The following MAFG variants were observed in gnomAD, a reference collection of about 807,000 sequenced individuals.
The protein encoded by MAFG is transcription factor MafG.
MAFG carries 3 observed loss-of-function variants against 12.2 expected under a neutral mutation model. The ratio of observed to expected loss-of-function variants is 0.25; its 90% CI spans 0.11 to 0.64. MAFG has a LOEUF of 0.64. Among genes scored for constraint, MAFG ranks in the 30% least tolerant of loss-of-function variants. The probability of loss-of-function intolerance (pLI) is 0.85; values close to 1 mark genes in which losing one functional copy is unlikely to be tolerated. For synonymous variants in MAFG, 126 were observed against 109.1 expected (o/e 1.15, Z -0.96); for missense variants, 153 against 235.5 (o/e 0.65, Z 2.29).
upstream of MAFG, chr17:81,928,076 C>T (rs1412334519): frequency 2.0e-5 from 3 of 152,212 alleles, no homozygotes; most frequent in Admixed American, 6.5e-5. This position sits in a 1 kb window ranked among gnomAD's most constrained non-coding sequence, Gnocchi z 8.1. Flanking sequence ...GCGTGCGCCC[C>T]CTCGAGTGCC....
In MAFG at chr17:81,920,299, T is replaced by G. The variant is rs1200425710; in HGVS notation, c.*2306A>C. 1.3e-5 allele frequency: 2 copies of G among 152,352 alleles called. No homozygotes were observed. The highest frequency in any genetic ancestry group is 4.1e-4 in the South Asian group (2 of 4,828). 9.4% of individuals were successfully genotyped at this position (152,352 alleles called of 1,614,324 possible). On this transcript the variant is annotated 3_prime_UTR_variant, in exon 3 of 3. Coordinates refer to ENST00000357736, the MANE Select transcript of MAFG (RefSeq NM_002359.4). The stretch of plus-strand genomic sequence containing the variant: ...AACACCTCGAGCAAAGAAAAGCTCA[T>G]TAACATGACAAGTGTTGATGGTGCC...
chr17:81,924,986 C>G lies in MAFG; in HGVS notation c.-29-1772G>C, dbSNP rs2040927342. Among the ~76,000 whole-genome samples the G allele has an allele frequency of 6.6e-6, 1 of 152,240 alleles. No homozygotes were observed. ...CTCCGCAGAAGGCCTGAACTCAGCACAAGTGCAAGCCATCGCCTCCTATCA... is the reference window on the plus strand; with the variant it reads ...CTCCGCAGAAGGCCTGAACTCAGCAGAAGTGCAAGCCATCGCCTCCTATCA... On this transcript the variant is annotated intron_variant, in intron 1 of 2. Transcript: ENST00000357736. This position sits in a 1 kb window ranked among gnomAD's most constrained non-coding sequence, Gnocchi z 4.7.
In MAFG at chr17:81,923,217, G is replaced by A; in HGVS notation, c.-29-3C>T. 1.3e-6 allele frequency: 2 copies of A among 1,544,526 alleles called. No homozygotes were observed. The highest frequency in any genetic ancestry group is 2.4e-5 in the East Asian group (1 of 42,280). On this transcript the variant is annotated splice_polypyrimidine_tract_variant and splice_region_variant and intron_variant, in intron 1 of 2. Coordinates refer to ENST00000357736, the MANE Select transcript of MAFG (RefSeq NM_002359.4). ...GGGGCACAGCGAGCAGGCGCTCTCT[G>A]CAAGACACGGAGCAGGTCAGTACCC...
In MAFG at chr17:81,918,292, C is replaced by T; in HGVS notation, c.*4313G>A. ...CAGTCTCTTTAAAAGGTTTATTGAT[C>T]ATATACAAAATAAAGAAAACCTTAT... On this transcript the variant is annotated 3_prime_UTR_variant, in exon 3 of 3. Coordinates refer to ENST00000357736, the MANE Select transcript of MAFG (RefSeq NM_002359.4). 1.8e-6 allele frequency: 1 copy of T among 560,578 alleles called. No individual in the cohort carries two copies. 34.7% of individuals were successfully genotyped at this position (560,578 alleles called of 1,614,324 possible).
At position 81,921,505 on chromosome 17, in the gene MAFG, T is replaced by C. The variant is rs1245357850; in HGVS notation, c.*1100A>G. The C allele has an allele frequency of 2.0e-5, 3 of 151,214 alleles. No homozygotes were observed. The highest frequency in any genetic ancestry group is 4.4e-5 in the Non-Finnish European group (3 of 67,958). 9.4% of individuals were successfully genotyped at this position (151,214 alleles called of 1,614,324 possible). On this transcript the variant is annotated 3_prime_UTR_variant, in exon 3 of 3. Transcript: ENST00000357736. ...GGGCAGAGGAGTAAGTCACTTTCGG[T>C]ACAATTGCAAAAGATATCAAAGAGG... is the stretch of plus-strand genomic sequence containing the variant.
chr17:81,925,057 G>C (rs113335682), intron 1 of MAFG, among the ~76,000 whole-genome samples: 3 of 152,356 alleles, frequency 2.0e-5, no homozygotes, highest in African/African-American at 7.2e-5. Flanking sequence ...AGCACAGCCA[G>C]TGCGTTCCAG....
chr17:81,929,033 C>T (rs1014849800), upstream of MAFG, among the ~76,000 whole-genome samples: 4 of 152,202 alleles, frequency 2.6e-5, no homozygotes, highest in African/African-American at 4.8e-5. The surrounding 1 kb of genome is among the most constrained non-coding windows in gnomAD (Gnocchi z 5.7). Flanking sequence ...GCCACGGTGC[C>T]GTCAGGAGCC....
At chr17:81,923,124 A>G (rs2143816837) in intron 2 of MAFG, 26 bp downstream of exon 2, 1 of 1,611,768 alleles carries the variant, frequency 6.2e-7, no homozygotes, top group African/African-American at 1.3e-5. Flanking sequence ...ACCCCAGCCC[A>G]CAGGCTCCTG....
chr17:81,920,052 G>T lies in MAFG; in HGVS notation c.*2553C>A, dbSNP rs1309661276. Reference sequence around the variant, plus strand: ...ATGGCCACCCACAGCCAGGACAAAAGTGGGGGCTGCACAAGGACAAGGAGG... The same window carrying T: ...ATGGCCACCCACAGCCAGGACAAAATTGGGGGCTGCACAAGGACAAGGAGG... On this transcript the variant is annotated 3_prime_UTR_variant, in exon 3 of 3. Transcript: ENST00000357736. 6.6e-6 allele frequency: 1 copy of T among 152,230 alleles called. No homozygotes were observed. The highest frequency in any genetic ancestry group is 2.4e-5 in the African/African-American group (1 of 41,456). The allele number at this position is 152,230 out of a possible 1,614,324, so 9.4% of individuals were successfully genotyped here.
chr17:81,927,685 G>T lies in MAFG; in HGVS notation c.-187C>A. On this transcript the variant is annotated 5_prime_UTR_variant, in exon 1 of 3. Transcript: ENST00000357736. ...CCGAGCGCACTGGGAAGGCCGGGCC[G>T]GACCAGGCTCGGGATCCGCCGCCGC... The T allele has an allele frequency of 6.6e-6, 1 of 151,486 alleles. No homozygotes were observed. Among genetic ancestry groups the T allele is most frequent in the South Asian group, 1.8e-4 (1 of 5,526 alleles). The allele number at this position is 151,486 out of a possible 1,614,324, so 9.4% of individuals were successfully genotyped here. A position where few individuals can be genotyped will look rare whatever the true frequency, so the allele number is the denominator to read the frequency against.
rs1447273260 is a variant in MAFG at position 81,921,858 on chromosome 17, T to C, written c.*747A>G. 1 of 152,186 alleles carries C rather than the reference T, an allele frequency of 6.6e-6. No homozygotes were observed. Among genetic ancestry groups the C allele is most frequent in the Non-Finnish European group, 1.5e-5 (1 of 68,042 alleles). The allele number at this position is 152,186 out of a possible 1,614,324, so 9.4% of individuals were successfully genotyped here. On this transcript the variant is annotated 3_prime_UTR_variant, in exon 3 of 3. Transcript: ENST00000357736. ...TTAAACATATAATTAATTTAATAAC[T>C]TTGTAAAAGGAACTTCTCTCTTTTA...
At chr17:81,928,154 A>G (rs2040958530), upstream of MAFG, 1 of 150,568 alleles carries the variant, frequency 6.6e-6, no homozygotes, top group Non-Finnish European at 1.5e-5. The surrounding 1 kb of genome is among the most constrained non-coding windows in gnomAD (Gnocchi z 8.1). Flanking sequence ...CGCGATTCCA[A>G]CTCGGGGGTC....
Position 81,927,594 on chromosome 17 carries a change from G to C in MAFG, c.-96C>G, listed in dbSNP as rs2143831614. On this transcript the variant is annotated 5_prime_UTR_variant, in exon 1 of 3. Coordinates refer to ENST00000357736, the MANE Select transcript of MAFG (RefSeq NM_002359.4). ...GCCGCGCGCGCTCCGAGGCCGCGCG[G>C]GGCAGGGACCGGCGCGAGGGGTCCG... 6.8e-6 allele frequency: 1 copy of C among 146,386 alleles called. No homozygotes were observed. The highest frequency in any genetic ancestry group is 1.5e-5 in the Non-Finnish European group (1 of 65,720). The allele number at this position is 146,386 out of a possible 1,614,324, so 9.1% of individuals were successfully genotyped here. A position where few individuals can be genotyped will look rare whatever the true frequency, so the allele number is the denominator to read the frequency against.
Position 81,926,028 on chromosome 17 carries a change from G to GTGTGTGT in MAFG, c.-30+1499_-30+1500insACACACA, listed in dbSNP as rs1567916031. 1.8e-5 allele frequency among the ~76,000 whole-genome samples: 2 copies of GTGTGTGT among 109,694 alleles called. No homozygotes were observed. The highest frequency in any genetic ancestry group is 6.4e-5 in the African/African-American group (2 of 31,056). 72.0% of individuals were successfully genotyped at this position (109,694 alleles called of 152,430 possible). ...TGTGTGTGTGTGTGTGTGTGTGTGT[G>GTGTGTGT]GCGGGGGGCGGGGGGCATCCCTGAG... On this transcript the variant is annotated intron_variant, in intron 1 of 2. Coordinates refer to ENST00000357736, the MANE Select transcript of MAFG (RefSeq NM_002359.4). The surrounding 1 kb of genome is among the most constrained non-coding windows in gnomAD (Gnocchi z 4.6).
At position 81,921,927 on chromosome 17, in the gene MAFG, G is replaced by A. The variant is rs1311081347; in HGVS notation, c.*678C>T. 1.3e-5 allele frequency: 2 copies of A among 152,160 alleles called. No individual in the cohort carries two copies. Among genetic ancestry groups the A allele is most frequent in the African/African-American group, 2.4e-5 (1 of 41,426 alleles). 9.4% of individuals were successfully genotyped at this position (152,160 alleles called of 1,614,324 possible). A position where few individuals can be genotyped will look rare whatever the true frequency, so the allele number is the denominator to read the frequency against. On this transcript the variant is annotated 3_prime_UTR_variant, in exon 3 of 3. Coordinates refer to ENST00000357736, the MANE Select transcript of MAFG (RefSeq NM_002359.4). ...CACACAAATAGGTCATGTAAACAGT[G>A]ACACGGGACCCATCGCAGGGCACAC...
upstream of MAFG, among the ~76,000 whole-genome samples, chr17:81,928,878 G>C (rs1346252856): frequency 6.6e-6 from 1 of 152,188 alleles, no homozygotes; most frequent in Non-Finnish European, 1.5e-5. This position sits in a 1 kb window ranked among gnomAD's most constrained non-coding sequence, Gnocchi z 8.1. Context: ...AGGGGAGGGC[G>C]CCCTGAGCCG....
rs569872195 is a variant in MAFG, at chr17:81,922,598, C to T, written c.*7G>A. 3.7e-5 allele frequency: 54 copies of T among 1,458,676 alleles called. No individual in the cohort carries two copies. Among genetic ancestry groups the T allele is most frequent in the East Asian group, 5.1e-5 (2 of 39,546 alleles). The allele number at this position is 1,458,676 out of a possible 1,614,324, so 90.4% of individuals were successfully genotyped here. On this transcript the variant is annotated 3_prime_UTR_variant, in exon 3 of 3. Transcript: ENST00000357736. ...CCGCAAAGACCCGCCTGGGCAGACG[C>T]GCGTCCCTACGATCGGGCATCCGTC...
At chr17:81,927,272 G>A (rs1371320104) in intron 1 of MAFG, among the ~76,000 whole-genome samples, 1 of 151,628 alleles carries the variant, frequency 6.6e-6, no homozygotes, top group Non-Finnish European at 1.5e-5. Flanking sequence ...CGGCTCCGCG[G>A]GTCCGCCGCC....
In MAFG at chr17:81,919,466, T is replaced by G. The variant is rs1403619760; in HGVS notation, c.*3139A>C. On this transcript the variant is annotated 3_prime_UTR_variant, in exon 3 of 3. Coordinates refer to ENST00000357736, the MANE Select transcript of MAFG (RefSeq NM_002359.4). ...GCAGCAGCCAGGGGCCTCACTCTCC[T>G]GGTGAGAGCTGACCTGTCCCTGCTG... 2 of 152,346 alleles carry G rather than the reference T, an allele frequency of 1.3e-5. No homozygotes were observed. Among genetic ancestry groups the G allele is most frequent in the African/African-American group, 4.8e-5 (2 of 41,472 alleles). 9.4% of individuals were successfully genotyped at this position (152,346 alleles called of 1,614,324 possible).
Sources: gnomAD v4.1 joint callset for allele counts (sites outside exome capture counted in the v4.1 genomes callset) on GRCh38, gnomAD v4.1.1 for gene constraint, Gnocchi (gnomAD v3.1) non-coding constraint, MANE v1.5 for transcripts, NCBI Gene and HGNC (gene_info 2026-07-23, HGNC 2026-07-21) for gene names.